The following TMEM87A variants were observed in gnomAD, a reference collection of about 807,000 sequenced individuals.
TMEM87A encodes transmembrane protein 87A, also known as Golgi-pH regulating cation channel.
Under a neutral mutation model 90.0 loss-of-function variants are expected in TMEM87A, and 50 were observed. The ratio of observed to expected loss-of-function variants is 0.56; its 90% CI spans 0.44 to 0.70. The LOEUF is 0.70. Ranked by LOEUF, TMEM87A falls within the 30% of genes least tolerant of loss-of-function variation. The pLI, the probability that TMEM87A is intolerant of heterozygous loss-of-function variation, is 0.00. For synonymous variants in TMEM87A, 226 were observed against 226.7 expected (o/e 1.00, Z 0.03); for missense variants, 577 against 660.5 (o/e 0.87, Z 1.39).
intron 15 of TMEM87A, among the ~76,000 whole-genome samples, chr15:42,221,953 C>A (rs2050494689): frequency 6.6e-6 from 1 of 152,026 alleles, no homozygotes; most frequent in Admixed American, 6.6e-5. Context: ...TGGGATCTTG[C>A]TATATTGCCA....
At chr15:42,264,750 T>C (rs761328939) in intron 3 of TMEM87A, among the ~76,000 whole-genome samples, 32 of 148,170 alleles carry the variant, frequency 2.2e-4, no homozygotes, top group Non-Finnish European at 3.3e-4. Flanking sequence ...GCAACTTTGT[T>C]ATATAGGTAA....
intron 8 of TMEM87A, 38 bp downstream of exon 8, chr15:42,239,632 C>T (rs1202770583): frequency 1.3e-6 from 2 of 1,546,990 alleles, no homozygotes; most frequent in Non-Finnish European, 1.8e-6. Flanking sequence ...AACCCAAAAC[C>T]ATCCAATACT....
rs780635972 is a variant in TMEM87A at position 42,273,239 on chromosome 15, T to C, written c.144+16A>G. ...TTGCTCCTCTAGGTTCAGACGTTAGTGAAGTGAATACTCACCGACGGTATC... is the reference window on the plus strand; with the variant it reads ...TTGCTCCTCTAGGTTCAGACGTTAGCGAAGTGAATACTCACCGACGGTATC... On this transcript the variant is annotated intron_variant, in intron 1 of 19. Transcript: ENST00000389834. 24 of 1,613,058 alleles carry C rather than the reference T, an allele frequency of 1.5e-5. No homozygotes were observed. Among genetic ancestry groups the C allele is most frequent in the Non-Finnish European group, 2.0e-5 (24 of 1,179,342 alleles).
At chr15:42,233,845 C>A (rs529294404) in intron 10 of TMEM87A, among the ~76,000 whole-genome samples, 4 of 152,230 alleles carry the variant, frequency 2.6e-5, no homozygotes, top group Non-Finnish European at 4.4e-5. Flanking sequence ...GGCCCAGTCA[C>A]TGGAGCCGTG....
intron 8 of TMEM87A, among the ~76,000 whole-genome samples, chr15:42,238,822 C>T (rs997356073): frequency 6.8e-6 from 1 of 146,062 alleles, no homozygotes; most frequent in African/African-American, 2.5e-5. Context: ...GAAGACAACA[C>T]TGAAGAAGAA....
intron 19 of TMEM87A, among the ~76,000 whole-genome samples, chr15:42,212,411 A>AT (rs1329963909): frequency 2.6e-5 from 4 of 152,172 alleles, no homozygotes; most frequent in African/African-American, 9.6e-5. Flanking sequence ...AATATAATCA[A>AT]TCACATCAGA....
chr15:42,272,172 A>G (rs4244588), intron 1 of TMEM87A, 49 bp from the exon 2 acceptor site: 1,339,342 of 1,361,590 alleles, frequency 0.98, 660,106 homozygotes, highest in Non-Finnish European at 1. Flanking sequence ...TTCAATTACC[A>G]AAGCATCATA....
At position 42,226,873 on chromosome 15, in the gene TMEM87A, G is replaced by A. The variant is rs2050605206; in HGVS notation, c.1336C>T (p.Arg446Cys). 4 of 1,613,944 alleles carry A rather than the reference G, an allele frequency of 2.5e-6. No homozygotes were observed. The highest frequency in any genetic ancestry group is 1.3e-5 in the African/African-American group (1 of 74,906). ...RELWVDDAIW[R>C]LLFSMILFVI... ...AAGAGGATCATGGAGAACAGCAAGC[G>A]CCAGATGGCATCGTCTACCCACAGC... Residue 446 changes from arginine (R) to cysteine (C), a missense_variant, in exon 15 of 20, where the codon CGC becomes TGC. Arg to Cys is a radical substitution (Grantham distance 180). Transcript: ENST00000389834.
chr15:42,252,527 C>A (rs928012007), intron 6 of TMEM87A, among the ~76,000 whole-genome samples: 1 of 152,136 alleles, frequency 6.6e-6, no homozygotes, highest in Non-Finnish European at 1.5e-5. Context: ...TGGTAAGTTT[C>A]TGGGCATTAT....
chr15:42,272,215 A>G (rs1234929941), intron 1 of TMEM87A, 92 bp from the exon 2 acceptor site: 1 of 906,072 alleles, frequency 1.1e-6, no homozygotes, highest in Non-Finnish European at 1.7e-6. Flanking sequence ...ATTCCAACTT[A>G]ACTTAAATCT....
At chr15:42,233,556 T>A (rs1276000493) in intron 10 of TMEM87A, among the ~76,000 whole-genome samples, 2 of 152,170 alleles carry the variant, frequency 1.3e-5, no homozygotes, top group African/African-American at 4.8e-5. Context: ...TTGAAACATA[T>A]TCACAAGTAG....
At chr15:42,273,166 CTT>C in intron 1 of TMEM87A, 87 bp downstream of exon 1, 2 of 1,538,268 alleles carry the variant, frequency 1.3e-6, no homozygotes, top group Non-Finnish European at 1.8e-6. Context: ...TTTGAAGAGA[CTT>C]TTGCGGAACC....
intron 7 of TMEM87A, among the ~76,000 whole-genome samples, chr15:42,240,832 A>T (rs919290567): frequency 6.6e-6 from 1 of 152,242 alleles, no homozygotes; most frequent in Non-Finnish European, 1.5e-5. Context: ...CATAAGAGCA[A>T]TTATAAAAAT....
intron 3 of TMEM87A, among the ~76,000 whole-genome samples, chr15:42,265,186 T>C (rs1445137702): frequency 6.6e-6 from 1 of 152,222 alleles, no homozygotes; most frequent in Non-Finnish European, 1.5e-5. Context: ...GCATATGTCT[T>C]TACGGTAGAA....
At chr15:42,266,004 TA>T (rs1206242677) in intron 3 of TMEM87A, among the ~76,000 whole-genome samples, 1 of 152,190 alleles carries the variant, frequency 6.6e-6, no homozygotes, top group African/African-American at 2.4e-5. Context: ...TCAGCTTTGT[TA>T]AATATCAGAT....
intron 2 of TMEM87A, among the ~76,000 whole-genome samples, chr15:42,268,447 C>G (rs142075613): frequency 9.2e-5 from 14 of 152,150 alleles, no homozygotes; most frequent in Non-Finnish European, 1.9e-4. Context: ...GCAGGGGGAT[C>G]GCTTGAGCCC....
intron 3 of TMEM87A, among the ~76,000 whole-genome samples, chr15:42,266,774 T>C (rs1343653905): frequency 6.6e-6 from 1 of 152,336 alleles, no homozygotes; most frequent in Admixed American, 6.5e-5. Flanking sequence ...CCTGACTTTT[T>C]AAATAATCTA....
At chr15:42,242,375 G>T (rs182633482) in intron 7 of TMEM87A, among the ~76,000 whole-genome samples, 2 of 152,314 alleles carry the variant, frequency 1.3e-5, no homozygotes, top group East Asian at 1.9e-4. Context: ...AGAAGCTGAA[G>T]TAGGGTGGAA....
intron 3 of TMEM87A, among the ~76,000 whole-genome samples, chr15:42,266,062 T>C (rs1419485108): frequency 2.6e-5 from 4 of 152,232 alleles, no homozygotes; most frequent in African/African-American, 9.6e-5. Flanking sequence ...CTCTGTTTCA[T>C]TGGTCTTTGT....
Sources: allele counts gnomAD v4.1 joint callset (sites outside exome capture counted in the v4.1 genomes callset), GRCh38; gene constraint gnomAD v4.1.1; transcripts MANE v1.5; gene names NCBI Gene and HGNC (gene_info 2026-07-23, HGNC 2026-07-21).